The following ATF6 variants were observed in gnomAD, a reference collection of about 807,000 sequenced individuals.
ATF6 encodes activating transcription factor 6, also known as cyclic AMP-dependent transcription factor ATF-6 alpha.
A neutral mutation model predicts 83.6 loss-of-function variants in ATF6; 53 were observed. The observed-to-expected ratio is 0.63, with a 90% CI of 0.51 to 0.80. The LOEUF (loss-of-function observed/expected upper bound fraction) is 0.80. ATF6 is among the 30% of genes least tolerant of loss of function. ATF6 has a pLI of 0.00. For missense variants in ATF6, 744 were observed against 797.9 expected (o/e 0.93, Z 0.81); for synonymous variants, 288 against 285.8 (o/e 1.01, Z -0.08).
rs112611760 is a variant in ATF6, at chr1:161,959,783, C to T, written c.*1129C>T. The T allele has an allele frequency of 3.1e-3, 470 of 151,842 alleles. 4 individuals carry two copies. Among genetic ancestry groups the T allele is most frequent in the African/African-American group, 0.011 (440 of 41,392 alleles). 9.4% of individuals were successfully genotyped at this position (151,842 alleles called of 1,614,324 possible). A position where few individuals can be genotyped will look rare whatever the true frequency, so the allele number is the denominator to read the frequency against. On this transcript the variant is annotated 3_prime_UTR_variant, in exon 16 of 16. Transcript: ENST00000367942. The stretch of plus-strand genomic sequence containing the variant: ...CTCTAGGCCACCAAGTATTAGCACA[C>T]ATACTTATGTTTTCTCTACTAATCT...
At chr1:161,815,802 C>T (rs1431915503) in intron 7 of ATF6, among the ~76,000 whole-genome samples, 5 of 152,152 alleles carry the variant, frequency 3.3e-5, no homozygotes, top group Non-Finnish European at 5.9e-5. Context: ...TAGCCAGGCA[C>T]GGTAGCATGC....
intron 15 of ATF6, among the ~76,000 whole-genome samples, chr1:161,915,406 CCTGA>C (rs1029167992): frequency 6.6e-6 from 1 of 152,114 alleles, no homozygotes; most frequent in African/African-American, 2.4e-5. Flanking sequence ...TTAAATAGTA[CCTGA>C]CTATTTTGGG....
intron 14 of ATF6, among the ~76,000 whole-genome samples, chr1:161,884,235 A>C (rs1347638771): frequency 6.6e-6 from 1 of 152,122 alleles, no homozygotes; most frequent in Non-Finnish European, 1.5e-5. Flanking sequence ...TTTAAAATAT[A>C]AAACTAGGAA....
chr1:161,896,228 C>T (rs1246178096), intron 14 of ATF6, among the ~76,000 whole-genome samples: 1 of 152,146 alleles, frequency 6.6e-6, no homozygotes, highest in Non-Finnish European at 1.5e-5. Flanking sequence ...CCACCTCAGC[C>T]TGCCAAGTAG....
intron 2 of ATF6, among the ~76,000 whole-genome samples, chr1:161,778,809 A>C (rs148708153): frequency 6.6e-6 from 1 of 152,140 alleles, no homozygotes; most frequent in Non-Finnish European, 1.5e-5. Context: ...TGTGAAAACT[A>C]TTATAACACT....
intron 9 of ATF6, among the ~76,000 whole-genome samples, chr1:161,824,007 C>A (rs147924110): frequency 6.6e-6 from 1 of 152,122 alleles, no homozygotes; most frequent in Admixed American, 6.5e-5. Context: ...CTAGAGGTTA[C>A]GATTATCTGA....
chr1:161,874,362 T>G (rs1478046573), intron 14 of ATF6, among the ~76,000 whole-genome samples: 2 of 151,662 alleles, frequency 1.3e-5, no homozygotes, highest in Non-Finnish European at 3.0e-5. Flanking sequence ...TGGAATGAAT[T>G]TAAGATAAGC....
chr1:161,830,392 A>G (rs981294644), intron 9 of ATF6, among the ~76,000 whole-genome samples: 31 of 152,348 alleles, frequency 2.0e-4, no homozygotes, highest in Non-Finnish European at 4.3e-4. Context: ...TTATAGATTC[A>G]ATGCCATCTC....
chr1:161,893,579 A>G (rs1374505290), intron 14 of ATF6, among the ~76,000 whole-genome samples: 1 of 152,250 alleles, frequency 6.6e-6, no homozygotes, highest in Non-Finnish European at 1.5e-5. Context: ...AAAAGCAACA[A>G]CAGCAAAAGG....
chr1:161,867,979 G>A (rs914502295), intron 14 of ATF6, among the ~76,000 whole-genome samples: 1 of 152,192 alleles, frequency 6.6e-6, no homozygotes, highest in African/African-American at 2.4e-5. Flanking sequence ...GTAGCCTTAA[G>A]TAATAGGGAC....
intron 15 of ATF6, among the ~76,000 whole-genome samples, chr1:161,954,194 T>C (rs1200138774): frequency 1.3e-5 from 2 of 152,200 alleles, no homozygotes; most frequent in African/African-American, 4.8e-5. Flanking sequence ...AGGGAAGTTC[T>C]TGGAAACCAC....
Position 161,791,538 on chromosome 1 carries a change from G to A in ATF6, c.484+1G>A, listed in dbSNP as rs764142241. ...GTCACTGGTCCTAGGAACAAGACTGGTATTACTCTATCTCCTAACTTCTGT... is the reference window on the plus strand; with the variant it reads ...GTCACTGGTCCTAGGAACAAGACTGATATTACTCTATCTCCTAACTTCTGT... On this transcript the variant is annotated splice_donor_variant, in intron 5 of 15. Transcript: ENST00000367942. LOFTEE classifies it high-confidence loss of function. 4 of 1,599,362 alleles carry A rather than the reference G, an allele frequency of 2.5e-6. No individual in the cohort carries two copies. In the African/African-American group the frequency reaches 5.4e-5, roughly 22 times the overall value.
At position 161,792,174 on chromosome 1, in the gene ATF6, A is replaced by G. The variant is rs771718900; in HGVS notation, c.535A>G (p.Ile179Val). 9.9e-6 allele frequency: 16 copies of G among 1,614,016 alleles called. No homozygotes were observed. The highest frequency in any genetic ancestry group is 1.7e-5 in the Admixed American group (1 of 60,006). The change falls in exon 6 of 16, where the codon ATT becomes GTT. Residue 179 changes from isoleucine (I) to valine (V), a missense_variant. Transcript: ENST00000367942. ...KKIQVNSKPS[I>V]QPKPLLLPAA... ...AATTCAGGTGAATTCAAAACCTTCA[A>G]TTCAGCCCAAGCCTTTATTGCTTCC...
chr1:161,776,085 G>T (rs1484599490), intron 1 of ATF6, among the ~76,000 whole-genome samples: 1 of 152,000 alleles, frequency 6.6e-6, no homozygotes, highest in South Asian at 2.1e-4. Flanking sequence ...CTCTTTCCAT[G>T]CTCTTAAATC....
In ATF6 at chr1:161,881,424, G is replaced by C. The variant is rs572426740; in HGVS notation, c.1719+18112G>C. Reference sequence around the variant, plus strand: ...AGATTCCCCTCAGTTCCTGCCACATGGGCCTCTTGATATGGCAGCTCACAA... The same window carrying C: ...AGATTCCCCTCAGTTCCTGCCACATCGGCCTCTTGATATGGCAGCTCACAA... On this transcript the variant is annotated intron_variant, in intron 14 of 15. Transcript: ENST00000367942. Among the ~76,000 whole-genome samples the C allele has an allele frequency of 2.0e-5, 3 of 152,262 alleles. No individual in the cohort carries two copies. In the South Asian group the frequency reaches 6.2e-4, roughly 32 times the overall value.
intron 15 of ATF6, among the ~76,000 whole-genome samples, chr1:161,935,875 C>T (rs1486526901): frequency 3.3e-5 from 5 of 152,164 alleles, no homozygotes; most frequent in African/African-American, 1.2e-4. Context: ...GATTATATTC[C>T]ATTCCTTTTT....
chr1:161,785,464 G>A (rs1211227794), intron 4 of ATF6, among the ~76,000 whole-genome samples: 6 of 152,026 alleles, frequency 3.9e-5, no homozygotes, highest in South Asian at 2.1e-4. Context: ...TTTTAGCTTA[G>A]CAGGATAACT....
At chr1:161,823,339 T>C (rs1185441318) in intron 9 of ATF6, among the ~76,000 whole-genome samples, 1 of 152,124 alleles carries the variant, frequency 6.6e-6, no homozygotes, top group Non-Finnish European at 1.5e-5. Flanking sequence ...AATATTTTTT[T>C]TGGGGGGAAG....
intron 9 of ATF6, among the ~76,000 whole-genome samples, chr1:161,834,610 C>A (rs1253070769): frequency 7.9e-6 from 1 of 126,016 alleles, no homozygotes; most frequent in Non-Finnish European, 1.6e-5. Context: ...GAACATCACA[C>A]ACTGGAGACT....
Sources: gnomAD v4.1 joint callset for allele counts (sites outside exome capture counted in the v4.1 genomes callset) on GRCh38, gnomAD v4.1.1 for gene constraint, MANE v1.5 for transcripts, NCBI Gene and HGNC (gene_info 2026-07-23, HGNC 2026-07-21) for gene names.